Variants in AR observed in about 807,000 individuals in gnomAD.
AR encodes androgen receptor, also known as dihydrotestosterone receptor.
In AR, 8 loss-of-function variants were observed where a neutral mutation model predicts 53.9. That is an observed-to-expected ratio of 0.15 (90% CI 0.09 to 0.27). AR has a LOEUF of 0.27. Ranked by LOEUF, AR falls within the 10% of genes least tolerant of loss-of-function variation. AR has a pLI of 1.00. For missense variants in AR, 639 were observed against 742.5 expected, an observed-to-expected ratio of 0.86 and a Z score of 1.62; for synonymous variants, 359 against 316.4, an observed-to-expected ratio of 1.13 and a Z score of -1.43.
chrX:67,583,855 A>G (rs185355387), intron 1 of AR, among the ~76,000 whole-genome samples: 125 of 111,902 alleles, frequency 1.1e-3, no homozygotes, highest in African/African-American at 3.9e-3. Flanking sequence ...TGTGATCTAT[A>G]CATTTTGAGG....
intron 1 of AR, among the ~76,000 whole-genome samples, chrX:67,600,560 G>T (rs1048254489): frequency 1.8e-5 from 2 of 111,015 alleles, no homozygotes; most frequent in African/African-American, 6.5e-5. Context: ...ATAGTTGGTG[G>T]GGCAGGGGAG....
chrX:67,625,984 T>C (rs906724790), intron 1 of AR, among the ~76,000 whole-genome samples: 2 of 111,430 alleles, frequency 1.8e-5, no homozygotes, highest in African/African-American at 6.5e-5. Context: ...GTATATGAGA[T>C]ATTTTGATAC....
chrX:67,560,610 A>C (rs1219410566), intron 1 of AR, among the ~76,000 whole-genome samples: 1 of 111,464 alleles, frequency 9.0e-6, no homozygotes, highest in Non-Finnish European at 1.9e-5. Flanking sequence ...AAATTATTTA[A>C]ATCTGGTGTT....
At chrX:67,688,851 A>G (rs2075980878) in intron 3 of AR, among the ~76,000 whole-genome samples, 1 of 111,670 alleles carries the variant, frequency 9.0e-6, no homozygotes, top group African/African-American at 3.3e-5. Context: ...CTTTACTCAA[A>G]CAATGGAAAA....
At chrX:67,666,982 G>T (rs1474192124) in intron 2 of AR, among the ~76,000 whole-genome samples, 1 of 111,155 alleles carries the variant, frequency 9.0e-6, no homozygotes, top group African/African-American at 3.3e-5. Context: ...CAGATGGGTA[G>T]TTTGCAAATA....
At chrX:67,660,058 G>A (rs1319567557) in intron 2 of AR, among the ~76,000 whole-genome samples, 1 of 111,878 alleles carries the variant, frequency 8.9e-6, no homozygotes, top group Non-Finnish European at 1.9e-5. Context: ...TTTTGATAGG[G>A]TTGTTTGTTT....
intron 2 of AR, among the ~76,000 whole-genome samples, chrX:67,666,651 G>C (rs1927278977): frequency 9.0e-6 from 1 of 111,413 alleles, no homozygotes; most frequent in South Asian, 3.8e-4. Context: ...CTACATAATG[G>C]TTTTACTGAC....
In AR at chrX:67,727,662, A is replaced by T. The variant is rs938104311; in HGVS notation, c.*3821A>T. 1.2e-5 allele frequency: 2 copies of T among 173,362 alleles called. No individual in the cohort carries two copies. Among genetic ancestry groups the T allele is most frequent in the Non-Finnish European group, 1.1e-5 (1 of 90,065 alleles). The allele number at this position is 173,362 out of a possible 1,213,427, so 14.3% of individuals were successfully genotyped here. On this transcript the variant is annotated 3_prime_UTR_variant, in exon 8 of 8. Coordinates refer to ENST00000374690, the MANE Select transcript of AR (RefSeq NM_000044.6). ...TCTGCCCCTTCCCAGCCCTGCACCA[A>T]AGCTGCATTTCAGGAGACTCTCTCC...
chrX:67,577,155 A>G (rs1159464955), intron 1 of AR, among the ~76,000 whole-genome samples: 1 of 109,282 alleles, frequency 9.2e-6, no homozygotes, highest in East Asian at 2.9e-4. Context: ...CTAGGCAAGC[A>G]CAAATGTACT....
At chrX:67,701,974 G>A (rs761269552) in intron 3 of AR, among the ~76,000 whole-genome samples, 1 of 110,887 alleles carries the variant, frequency 9.0e-6, no homozygotes, top group African/African-American at 3.3e-5. Flanking sequence ...TATAACCCCA[G>A]CCCCACTCCT....
chrX:67,687,141 T>C (rs980146446), intron 3 of AR, among the ~76,000 whole-genome samples: 6 of 111,715 alleles, frequency 5.4e-5, no homozygotes, highest in African/African-American at 2.0e-4. Flanking sequence ...GTGCCTAGAA[T>C]CCAACCCTCT....
At chrX:67,679,626 A>T (rs1240999284) in intron 2 of AR, among the ~76,000 whole-genome samples, 4 of 111,905 alleles carry the variant, frequency 3.6e-5, no homozygotes, top group Middle Eastern at 4.7e-3. Flanking sequence ...ACCAACACGT[A>T]GTATTTAATC....
intron 3 of AR, among the ~76,000 whole-genome samples, chrX:67,703,839 C>T (rs2076053429): frequency 9.0e-6 from 1 of 110,921 alleles, no homozygotes; most frequent in Non-Finnish European, 1.9e-5. Flanking sequence ...TGTTCCCCTT[C>T]CTGTGTCCAG....
chrX:67,723,360 G>GTC, intron 7 of AR, among the ~76,000 whole-genome samples: 1 of 103,427 alleles, frequency 9.7e-6, no homozygotes, highest in African/African-American at 3.6e-5. Context: ...GTGTCAGAGA[G>GTC]AGAGAGAGAG....
chrX:67,729,583 GT>G lies in AR; in HGVS notation c.*5748del. 5.7e-6 allele frequency: 1 copy of G among 174,527 alleles called. No individual in the cohort carries two copies. Among genetic ancestry groups the G allele is most frequent in the Non-Finnish European group, 1.1e-5 (1 of 91,047 alleles). 14.4% of individuals were successfully genotyped at this position (174,527 alleles called of 1,213,427 possible). ...CCAATTCAGTATAGCAAGGTGCTAG[GT>G]TTTTTCCTTTCCCCACCTGTCTCTT... On this transcript the variant is annotated 3_prime_UTR_variant, in exon 8 of 8. Coordinates refer to ENST00000374690, the MANE Select transcript of AR (RefSeq NM_000044.6).
At chrX:67,616,476 G>T (rs1050359899) in intron 1 of AR, among the ~76,000 whole-genome samples, 1 of 110,522 alleles carries the variant, frequency 9.0e-6, no homozygotes. Flanking sequence ...GTGTTAGTTT[G>T]CTGAGAATGA....
At chrX:67,722,437 T>G (rs2076139784) in intron 6 of AR, among the ~76,000 whole-genome samples, 1 of 112,092 alleles carries the variant, frequency 8.9e-6, no homozygotes, top group African/African-American at 3.2e-5. Flanking sequence ...ATATCTTTTC[T>G]AAGAGCCCTC....
chrX:67,695,860 C>T, intron 3 of AR: 1 of 752,804 alleles, frequency 1.3e-6, no homozygotes, highest in East Asian at 1.5e-4. Context: ...TTTCTCTTTC[C>T]CCTGACTCAG....
At chrX:67,703,884 G>C (rs1433608821) in intron 3 of AR, among the ~76,000 whole-genome samples, 3 of 111,489 alleles carry the variant, frequency 2.7e-5, no homozygotes, top group Admixed American at 9.6e-5. Flanking sequence ...CTGTGAGTGA[G>C]AACATGCAGT....
Sources: allele counts gnomAD v4.1 joint callset (sites outside exome capture counted in the v4.1 genomes callset), GRCh38; gene constraint gnomAD v4.1.1; transcripts MANE v1.5; gene names NCBI Gene and HGNC (gene_info 2026-07-23, HGNC 2026-07-21).